TULP4: variants seen among roughly 807,000 people sequenced by gnomAD.
The protein encoded by TULP4 is tubby-related protein 4.
In TULP4, 16 loss-of-function variants were observed where a neutral mutation model predicts 129.0. The ratio of observed to expected loss-of-function variants is 0.12; its 90% confidence interval spans 0.08 to 0.19. The LOEUF (loss-of-function observed/expected upper bound fraction) is 0.19. TULP4 is among the 10% of genes least tolerant of loss of function. The pLI is 1.00. For synonymous variants in TULP4, 998 were observed against 854.0 expected, an observed-to-expected ratio of 1.17 and a Z score of -2.94; for missense variants, 1,842 against 2,059.1, an observed-to-expected ratio of 0.89 and a Z score of 2.04.
chr6:158,449,856 A>G (rs1779128699), intron 4 of TULP4, among the ~76,000 whole-genome samples: 1 of 152,142 alleles, frequency 6.6e-6, no homozygotes, highest in Non-Finnish European at 1.5e-5. Context: ...CTTCACCAGC[A>G]TCCCATCCCC....
intron 1 of TULP4, among the ~76,000 whole-genome samples, chr6:158,348,263 A>G (rs1222734198): frequency 6.7e-6 from 1 of 148,624 alleles, no homozygotes; most frequent in Non-Finnish European, 1.5e-5. Context: ...AGTGGAGAGA[A>G]GGTCAGCAGA....
chr6:158,464,349 A>G (rs918763829), intron 6 of TULP4, among the ~76,000 whole-genome samples: 1 of 152,242 alleles, frequency 6.6e-6, no homozygotes, highest in African/African-American at 2.4e-5. Context: ...GGTGGATTCA[A>G]AGATTTTCTG....
chr6:158,406,308 G>GT (rs1309841940), intron 1 of TULP4, among the ~76,000 whole-genome samples: 2 of 152,122 alleles, frequency 1.3e-5, no homozygotes, highest in Non-Finnish European at 2.9e-5. Flanking sequence ...ACAGATGTCT[G>GT]TTTTAGCTCT....
chr6:158,291,234 C>T (rs1022962100), intron 1 of TULP4, among the ~76,000 whole-genome samples: 7 of 152,100 alleles, frequency 4.6e-5, no homozygotes, highest in South Asian at 2.1e-4. Flanking sequence ...TGTTATATTG[C>T]GAGGTCAGTT....
chr6:158,370,742 C>T (rs1391307400), intron 1 of TULP4, among the ~76,000 whole-genome samples: 1 of 152,138 alleles, frequency 6.6e-6, no homozygotes, highest in Non-Finnish European at 1.5e-5. Context: ...GGACAGAAAA[C>T]CCAGATACCC....
In TULP4 at chr6:158,290,341, T is replaced by C. The variant is rs192049948; in HGVS notation, n.116+7963T>C. Among the ~76,000 whole-genome samples the C allele has an allele frequency of 7.9e-5, 12 of 152,360 alleles. No individual in the cohort carries two copies. In the East Asian group the frequency reaches 1.3e-3, roughly 17 times the overall value. On this transcript the variant is annotated intron_variant and non_coding_transcript_variant, in intron 1 of 1. Coordinates refer to the TULP4 transcript ENST00000432358. ...TTGTTGTCTCCTTTTGAGAAATGTC[T>C]TTTCAGATCCTTTGCCCATTTTCAA...
chr6:158,365,036 C>G (rs1780897556), intron 1 of TULP4, among the ~76,000 whole-genome samples: 1 of 151,708 alleles, frequency 6.6e-6, no homozygotes, highest in Non-Finnish European at 1.5e-5. Context: ...CGCCCAGCCC[C>G]TAGATTTGTT....
intron 1 of TULP4, among the ~76,000 whole-genome samples, chr6:158,324,859 C>G (rs1169143261): frequency 1.3e-5 from 2 of 152,070 alleles, no homozygotes; most frequent in African/African-American, 4.8e-5. Context: ...ATCTATAAGA[C>G]ACTGCTTCAA....
rs942575951 is a variant in TULP4 at position 158,489,574 on chromosome 6, T to C, written c.1487-14T>C. On this transcript the variant is annotated splice_polypyrimidine_tract_variant and intron_variant, in intron 8 of 13. Coordinates refer to ENST00000367097, the MANE Select transcript of TULP4 (RefSeq NM_020245.5). ...ATAACTTCCCTTGAAATCTGCTGGTTGGTGTTTTACCAGATGAAATCTATG... is the reference window on the plus strand; with the variant it reads ...ATAACTTCCCTTGAAATCTGCTGGTCGGTGTTTTACCAGATGAAATCTATG... 6 of 1,614,052 alleles carry C rather than the reference T, an allele frequency of 3.7e-6. No homozygotes were observed. Among genetic ancestry groups the C allele is most frequent in the Non-Finnish European group, 5.1e-6 (6 of 1,180,002 alleles).
intron 1 of TULP4, among the ~76,000 whole-genome samples, chr6:158,245,265 G>C (rs1383652554): frequency 6.6e-6 from 1 of 151,958 alleles, no homozygotes; most frequent in Non-Finnish European, 1.5e-5. Context: ...GAAGTGTTGG[G>C]GTTACAGGTG....
upstream of TULP4, chr6:158,312,407 T>G: frequency 3.3e-6 from 1 of 304,700 alleles, no homozygotes. Context: ...CACAAAAATA[T>G]TCTCCAGTTT....
In TULP4 at chr6:158,487,653, C is replaced by T. The variant is rs192966383; in HGVS notation, c.1487-1935C>T. Among the ~76,000 whole-genome samples the T allele has an allele frequency of 4.7e-4, 72 of 152,280 alleles. 1 individual carries two copies. Among genetic ancestry groups the T allele is most frequent in the African/African-American group, 1.7e-3 (71 of 41,556 alleles). ...GAATCTCTAGAAGTATGAAGTAGAC[C>T]CAGCCACCACCTCAGCCTCTGCAAA... is the stretch of plus-strand genomic sequence containing the variant. On this transcript the variant is annotated intron_variant, in intron 8 of 13. Transcript: ENST00000367097.
intron 1 of TULP4, among the ~76,000 whole-genome samples, chr6:158,255,286 A>T (rs1230202069): frequency 1.3e-5 from 2 of 152,118 alleles, no homozygotes; most frequent in East Asian, 1.9e-4. Context: ...TGTCGAGTGC[A>T]TATCTAATGT....
At chr6:158,372,694 A>C (rs1562539702) in intron 1 of TULP4, among the ~76,000 whole-genome samples, 1 of 152,168 alleles carries the variant, frequency 6.6e-6, no homozygotes, top group Non-Finnish European at 1.5e-5. Flanking sequence ...TTTCTAATGC[A>C]CTGGAGCTCA....
intron 8 of TULP4, among the ~76,000 whole-genome samples, chr6:158,484,432 T>G (rs1403545561): frequency 6.6e-6 from 1 of 152,050 alleles, no homozygotes; most frequent in Non-Finnish European, 1.5e-5. Context: ...TTTACAGACA[T>G]GCTATTGCAC....
chr6:158,454,018 A>ACCCCCCCC (rs1554293006), intron 5 of TULP4, among the ~76,000 whole-genome samples: 1 of 114,622 alleles, frequency 8.7e-6, no homozygotes, highest in African/African-American at 3.5e-5. Context: ...CTGCCTCTGC[A>ACCCCCCCC]CCGCCCCCCC....
chr6:158,410,320 G>A (rs969459255), intron 1 of TULP4, among the ~76,000 whole-genome samples: 1 of 152,184 alleles, frequency 6.6e-6, no homozygotes, highest in African/African-American at 2.4e-5. Context: ...TGCTGTGACT[G>A]TGCAGCCTTT....
intron 6 of TULP4, among the ~76,000 whole-genome samples, chr6:158,479,038 G>A (rs547846979): frequency 1.3e-5 from 2 of 152,226 alleles, no homozygotes; most frequent in East Asian, 3.9e-4. Flanking sequence ...ATCACCTCCT[G>A]TAATCCTCAC....
At chr6:158,459,407 G>A (rs1273015601) in intron 5 of TULP4, among the ~76,000 whole-genome samples, 3 of 150,354 alleles carry the variant, frequency 2.0e-5, no homozygotes, top group South Asian at 2.1e-4. Context: ...TCCAGCCTGG[G>A]CAACAAGAGT....
Sources: gnomAD v4.1 joint callset for allele counts (sites outside exome capture counted in the v4.1 genomes callset) on GRCh38, gnomAD v4.1.1 for gene constraint, MANE v1.5 for transcripts, NCBI Gene and HGNC (gene_info 2026-07-23, HGNC 2026-07-21) for gene names.